The following DNAH2 variants were observed in gnomAD, a reference collection of about 807,000 sequenced individuals.
The protein encoded by DNAH2 is dynein axonemal heavy chain 2, also known as axonemal beta dynein heavy chain 2.
Under a neutral mutation model 523.5 loss-of-function variants are expected in DNAH2, and 323 were observed. The ratio of observed to expected loss-of-function variants is 0.62; its 90% confidence interval spans 0.56 to 0.68. DNAH2 has a LOEUF of 0.68. Among genes scored for constraint, DNAH2 ranks in the 30% least tolerant of loss-of-function variants. DNAH2 has a pLI of 0.00. For synonymous variants in DNAH2, 2,093 were observed against 2,177.4 expected (o/e 0.96, Z 1.08); for missense variants, 4,907 against 5,701.5 (o/e 0.86, Z 4.49).
Position 7,828,497 on chromosome 17 carries a change from G to C in DNAH2, c.11854-1803G>C, listed in dbSNP as rs1417733481. ...GAGAGGGTCTTGCTCTATAGCCCAG[G>C]TGGAGTGCAGTGGTACAATCATAGC... On this transcript the variant is annotated intron_variant, in intron 77 of 85. Transcript: ENST00000572933. The surrounding 1 kb of genome is among the most constrained non-coding windows in gnomAD (Gnocchi z 4.1). 6.6e-6 allele frequency among the ~76,000 whole-genome samples: 1 copy of C among 152,100 alleles called. No individual in the cohort carries two copies. The highest frequency in any genetic ancestry group is 2.4e-5 in the African/African-American group (1 of 41,362).
intron 15 of DNAH2, 89 bp downstream of exon 15, chr17:7,759,213 T>A: frequency 1.3e-6 from 2 of 1,562,916 alleles, no homozygotes; most frequent in Non-Finnish European, 1.7e-6. Context: ...CGACCCTTTT[T>A]TCTTTTTTAC....
At chr17:7,758,340 T>C (rs2075901919) in intron 13 of DNAH2, among the ~76,000 whole-genome samples, 155 bp from the exon 14 acceptor site, 1 of 152,042 alleles carries the variant, frequency 6.6e-6, no homozygotes, top group Admixed American at 6.6e-5. Context: ...ACTTCCATCA[T>C]TGCAAAAAGT....
Position 7,787,908 on chromosome 17 carries a change from A to T in DNAH2, c.6652A>T (p.Thr2218Ser). Residue 2218 changes from threonine to serine, a missense_variant, in exon 43 of 86, where the codon ACT (threonine) becomes TCT (serine). Thr to Ser is a moderately conservative substitution (Grantham distance 58, BLOSUM62 1). Coordinates refer to ENST00000572933, the MANE Select transcript of DNAH2 (RefSeq NM_020877.5). ...VEDLAMASPA[T>S]VSRCGMVYTD... ...GGACCTGGCAATGGCCTCTCCGGCC[A>T]CTGTATCCCGCTGCGGGATGGTCTA... The T allele has an allele frequency of 1.2e-6, 2 of 1,614,128 alleles. No individual in the cohort carries two copies. Among genetic ancestry groups the T allele is most frequent in the Non-Finnish European group, 1.7e-6 (2 of 1,179,998 alleles).
intron 26 of DNAH2, 40 bp from the exon 27 acceptor site, chr17:7,770,713 A>G: frequency 6.2e-7 from 1 of 1,613,830 alleles, no homozygotes; most frequent in Non-Finnish European, 8.5e-7. Flanking sequence ...AAGGTTGGGC[A>G]GGTGGGGATG....
chr17:7,771,202 C>A, intron 27 of DNAH2, 128 bp from the exon 28 acceptor site: 1 of 1,369,584 alleles, frequency 7.3e-7, no homozygotes, highest in Non-Finnish European at 1.0e-6. Flanking sequence ...AGAACTTGGG[C>A]ATCTTGGCCT....
chr17:7,809,487 G>A (rs1005413717), intron 63 of DNAH2, among the ~76,000 whole-genome samples: 5 of 152,048 alleles, frequency 3.3e-5, no homozygotes, highest in African/African-American at 7.2e-5. Context: ...TGCTACCACC[G>A]CCACCTCCCA....
Position 7,760,708 on chromosome 17 carries a change from C to T in DNAH2, c.2786-32C>T. 1 of 1,593,164 alleles carries T rather than the reference C, an allele frequency of 6.3e-7. No homozygotes were observed. Among genetic ancestry groups the T allele is most frequent in the Admixed American group, 1.7e-5 (1 of 58,142 alleles). On this transcript the variant is annotated intron_variant, in intron 17 of 85. Coordinates refer to ENST00000572933, the MANE Select transcript of DNAH2 (RefSeq NM_020877.5). This position sits in a 1 kb window ranked among gnomAD's most constrained non-coding sequence, Gnocchi z 4.0. ...GCAGAAGTTGGGTTGGGGTGGAAGT[C>T]AGTGAGAAGCATCTTTCTTGGTCCT...
chr17:7,724,159 C>T (rs1252218474), intron 3 of DNAH2, among the ~76,000 whole-genome samples: 1 of 152,046 alleles, frequency 6.6e-6, no homozygotes, highest in African/African-American at 2.4e-5. Flanking sequence ...AAAGCCTAGT[C>T]ATGACCATAG....
chr17:7,728,673 T>C (rs868355683), intron 4 of DNAH2, among the ~76,000 whole-genome samples: 4 of 152,180 alleles, frequency 2.6e-5, no homozygotes, highest in Middle Eastern at 3.2e-3. Context: ...AGTAGGAATC[T>C]TAATATCATA....
At chr17:7,733,467 T>G (rs1030974175) in intron 5 of DNAH2, 152 bp downstream of exon 5, 2 of 649,076 alleles carry the variant, frequency 3.1e-6, no homozygotes, top group African/African-American at 1.9e-5. Flanking sequence ...AAGATCCGCC[T>G]TCTTCTTCTT....
chr17:7,777,496 G>A lies in DNAH2; in HGVS notation c.5109G>A (p.Lys1703=), dbSNP rs2076487697. 2 of 1,614,170 alleles carry A rather than the reference G, an allele frequency of 1.2e-6. No individual in the cohort carries two copies. The highest frequency in any genetic ancestry group is 1.7e-6 in the Non-Finnish European group (2 of 1,180,024). ...YSEAIRGNLT[K]IMRLKIVALV... is the part of the protein sequence containing the mutation. Reference sequence around the variant, plus strand: ...AAGCCATCAGGGGGAACTTGACCAAGATCATGCGGCTTAAAATTGTGGCTC... The same window carrying A: ...AAGCCATCAGGGGGAACTTGACCAAAATCATGCGGCTTAAAATTGTGGCTC... The change falls in exon 33 of 86, where the codon AAG becomes AAA. Residue 1703 remains lysine, a synonymous_variant. Transcript: ENST00000572933.
rs73977760 is a variant in DNAH2 at position 7,777,594 on chromosome 17, C to T, written c.5207C>T (p.Ser1736Phe). 834 of 1,614,146 alleles carry T rather than the reference C, an allele frequency of 5.2e-4. 3 individuals carry two copies. The African/African-American group carries it at 9.9e-3, about 19-fold the overall frequency. The change falls in exon 33 of 86, where the codon TCC (serine) becomes TTC (phenylalanine). Residue 1736 changes from serine to phenylalanine, a missense_variant. This residue lies in a region of DNAH2 where 2,806 missense variants were observed against 3,190.8 expected (regional missense o/e 0.88). Transcript: ENST00000572933. ...LYKSGLMDVN[S>F]FDWLSQLRFY... ...AAGAGTGGCCTCATGGATGTCAATT[C>T]CTTTGACTGGCTCAGCCAACTTCGG...
At chr17:7,734,838 G>A (rs764981624) in intron 7 of DNAH2, 130 bp downstream of exon 7, 34 of 873,514 alleles carry the variant, frequency 3.9e-5, no homozygotes, top group Non-Finnish European at 5.8e-5. Context: ...CCAGGGTTCG[G>A]CCTTGTACTT....
chr17:7,775,059 C>G, intron 29 of DNAH2, 83 bp downstream of exon 29: 1 of 1,409,422 alleles, frequency 7.1e-7, no homozygotes, highest in Non-Finnish European at 9.8e-7. Flanking sequence ...GGACCCTGCC[C>G]TCCCAAAAGG....
chr17:7,751,386 C>G (rs1387720687), intron 12 of DNAH2, among the ~76,000 whole-genome samples: 1 of 152,106 alleles, frequency 6.6e-6, no homozygotes, highest in African/African-American at 2.4e-5. Context: ...AGCCACCACA[C>G]CAGGCCAAGA....
chr17:7,824,064 C>T, intron 75 of DNAH2, 57 bp from the exon 76 acceptor site: 1 of 1,575,340 alleles, frequency 6.3e-7, no homozygotes, highest in Non-Finnish European at 8.6e-7. Flanking sequence ...CTTCATCTCT[C>T]TCTCCCACTT....
Position 7,780,910 on chromosome 17 carries a change from CGTGT to C in DNAH2, c.6003+129_6004-128del. 1 of 1,578,638 alleles carries C rather than the reference CGTGT, an allele frequency of 6.3e-7. No individual in the cohort carries two copies. Among genetic ancestry groups the C allele is most frequent in the Non-Finnish European group, 8.6e-7 (1 of 1,158,470 alleles). ...TCACCTTCCCACCTCGTCCCATCCC[CGTGT>C]TGCCCGCTGCTTTGCTAATGGCTAA... On this transcript the variant is annotated intron_variant, in intron 38 of 85. Transcript: ENST00000572933. The surrounding 1 kb of genome is among the most constrained non-coding windows in gnomAD (Gnocchi z 4.4).
chr17:7,786,939 T>C lies in DNAH2; in HGVS notation c.6509T>C (p.Val2170Ala), dbSNP rs2076754796. 6.2e-7 allele frequency: 1 copy of C among 1,614,104 alleles called. No homozygotes were observed. The highest frequency in any genetic ancestry group is 8.5e-7 in the Non-Finnish European group (1 of 1,180,040). The change falls in exon 42 of 86, where the codon GTG becomes GCG. Residue 2170 changes from valine (V) to alanine (A), a missense_variant. This residue lies in a region of DNAH2 where 2,806 missense variants were observed against 3,190.8 expected (regional missense o/e 0.88). Coordinates refer to ENST00000572933, the MANE Select transcript of DNAH2 (RefSeq NM_020877.5). The surrounding 1 kb of genome is among the most constrained non-coding windows in gnomAD (Gnocchi z 7.5). Reference protein sequence around the residue: ...DEKWILFDGPVDTLWIENMNS... With the variant: ...DEKWILFDGPADTLWIENMNS... ...AAGTGGATCCTGTTCGATGGCCCCGTGGACACACTGTGGATCGAGAACATG... is the reference window on the plus strand; with the variant it reads ...AAGTGGATCCTGTTCGATGGCCCCGCGGACACACTGTGGATCGAGAACATG...
intron 28 of DNAH2, among the ~76,000 whole-genome samples, chr17:7,772,133 G>A (rs751969287): frequency 1.3e-5 from 2 of 152,080 alleles, no homozygotes; most frequent in African/African-American, 2.4e-5. Flanking sequence ...TGGTCGACTG[G>A]GGGAGACTGG....
Sources: allele counts gnomAD v4.1 joint callset (sites outside exome capture counted in the v4.1 genomes callset), GRCh38; gene constraint gnomAD v4.1.1; regional missense constraint gnomAD v4.1.1; non-coding constraint Gnocchi (gnomAD v3.1); transcripts MANE v1.5; gene names NCBI Gene and HGNC (gene_info 2026-07-23, HGNC 2026-07-21).